TMEM17: variants seen among roughly 807,000 people sequenced by gnomAD.
TMEM17 encodes the protein transmembrane protein 17.
In TMEM17, 15 loss-of-function variants were observed where a neutral mutation model predicts 19.1. That is an observed-to-expected ratio of 0.78 (90% confidence interval 0.52 to 1.21). TMEM17 has a LOEUF of 1.21. TMEM17 is among the 50% of genes most tolerant of loss of function. The pLI is 0.00. For missense variants in TMEM17, 245 were observed against 242.3 expected, an observed-to-expected ratio of 1.01 and a Z score of -0.07; for synonymous variants, 103 against 86.9, an observed-to-expected ratio of 1.19 and a Z score of -1.03.
At chr2:62,468,667 C>T in the TMEM17 span, among the ~76,000 whole-genome samples, 2 of 152,144 alleles carry the variant, frequency 1.3e-5, no homozygotes, top group African/African-American at 4.8e-5. Context: ...AGTAAAGTCC[C>T]AGACTGCAAG....
chr2:62,488,345 T>G, the TMEM17 span, among the ~76,000 whole-genome samples: 1 of 152,182 alleles, frequency 6.6e-6, no homozygotes, highest in African/African-American at 2.4e-5. Context: ...TTTATTAAAA[T>G]GAATGTCATA....
At chr2:62,467,538 G>A in the TMEM17 span, among the ~76,000 whole-genome samples, 1 of 152,196 alleles carries the variant, frequency 6.6e-6, no homozygotes, top group Non-Finnish European at 1.5e-5. Context: ...AGTGGGCTCT[G>A]CCTCAGGTGC....
the TMEM17 span, among the ~76,000 whole-genome samples, chr2:62,489,428 T>C: frequency 3.3e-5 from 5 of 152,236 alleles, no homozygotes; most frequent in Non-Finnish European, 7.3e-5. Context: ...GTGAATTGTT[T>C]TTGTCTTTAG....
chr2:62,466,525 A>C, the TMEM17 span, among the ~76,000 whole-genome samples: 2 of 152,318 alleles, frequency 1.3e-5, no homozygotes, highest in Admixed American at 6.5e-5. Context: ...GAGGAGACAG[A>C]AAATGAGGCT....
chr2:62,456,460 T>G, the TMEM17 span, among the ~76,000 whole-genome samples: 1 of 152,248 alleles, frequency 6.6e-6, no homozygotes, highest in Non-Finnish European at 1.5e-5. Context: ...AGTAAAATCT[T>G]CCTCTGCCTC....
chr2:62,468,454 A>G, the TMEM17 span, among the ~76,000 whole-genome samples: 1 of 152,258 alleles, frequency 6.6e-6, no homozygotes, highest in Non-Finnish European at 1.5e-5. Context: ...TTGGCCCCTT[A>G]AAATATCAGT....
the TMEM17 span, among the ~76,000 whole-genome samples, chr2:62,489,589 A>G: frequency 2.0e-5 from 3 of 152,104 alleles, no homozygotes; most frequent in Non-Finnish European, 4.4e-5. Flanking sequence ...AGGAAGAAAT[A>G]TTTGGTTCAT....
chr2:62,498,004 T>C (rs746965019), downstream of TMEM17, among the ~76,000 whole-genome samples: 1 of 152,246 alleles, frequency 6.6e-6, no homozygotes, highest in South Asian at 2.1e-4. Flanking sequence ...ACTAGGAGCA[T>C]GTCTTGTCTA....
the TMEM17 span, among the ~76,000 whole-genome samples, chr2:62,456,989 G>A: frequency 3.9e-5 from 6 of 152,240 alleles, no homozygotes; most frequent in Non-Finnish European, 7.3e-5. Context: ...CCACCTCCAC[G>A]CGGGGGCCGG....
the TMEM17 span, among the ~76,000 whole-genome samples, chr2:62,494,195 T>C: frequency 6.6e-6 from 1 of 152,360 alleles, no homozygotes; most frequent in East Asian, 1.9e-4. Context: ...CTAATTAAAT[T>C]GTTGACTTTA....
chr2:62,477,421 G>T, the TMEM17 span, among the ~76,000 whole-genome samples: 1 of 151,732 alleles, frequency 6.6e-6, no homozygotes, highest in Non-Finnish European at 1.5e-5. Context: ...AATCTCTCAG[G>T]GTTGTCTATC....
chr2:62,478,455 T>G, the TMEM17 span, among the ~76,000 whole-genome samples: 5 of 152,234 alleles, frequency 3.3e-5, no homozygotes, highest in Admixed American at 3.3e-4. Context: ...AAGCTCTGCA[T>G]GCAGAAAGGC....
At chr2:62,496,909 G>A (rs1040801198), downstream of TMEM17, among the ~76,000 whole-genome samples, 1 of 152,128 alleles carries the variant, frequency 6.6e-6, no homozygotes, top group Non-Finnish European at 1.5e-5. Flanking sequence ...ACCTATGATT[G>A]TGCCACTGCA....
At chr2:62,498,404 AAACAG>A, downstream of TMEM17, among the ~76,000 whole-genome samples, 1 of 148,640 alleles carries the variant, frequency 6.7e-6, no homozygotes, top group East Asian at 2.0e-4. Flanking sequence ...AAGAAAAAAA[AAACAG>A]AAATAAATAA....
the TMEM17 span, among the ~76,000 whole-genome samples, chr2:62,475,843 G>A: frequency 6.6e-6 from 1 of 152,212 alleles, no homozygotes; most frequent in African/African-American, 2.4e-5. Flanking sequence ...CGGCTGTGCA[G>A]ACCAATGCTG....
At chr2:62,477,747 C>G in the TMEM17 span, among the ~76,000 whole-genome samples, 2 of 152,240 alleles carry the variant, frequency 1.3e-5, no homozygotes, top group African/African-American at 4.8e-5. Flanking sequence ...AGGCCCCTTC[C>G]TGACTTGACC....
the TMEM17 span, among the ~76,000 whole-genome samples, chr2:62,494,352 C>A: frequency 0.095 from 14,495 of 152,050 alleles, 779 homozygotes; most frequent in African/African-American, 0.14. Flanking sequence ...TAGGATAGCA[C>A]AAATTTTGAC....
At chr2:62,487,920 C>A in the TMEM17 span, among the ~76,000 whole-genome samples, 1 of 152,300 alleles carries the variant, frequency 6.6e-6, no homozygotes, top group East Asian at 1.9e-4. Flanking sequence ...GTCTCGAACT[C>A]CTGACCTGAG....
chr2:62,498,221 C>T (rs1415119460), downstream of TMEM17, among the ~76,000 whole-genome samples: 1 of 150,736 alleles, frequency 6.6e-6, no homozygotes, highest in Non-Finnish European at 1.5e-5. Context: ...CCTGCCTCTA[C>T]TAAAAATACA....
Sources: allele counts gnomAD v4.1 joint callset (sites outside exome capture counted in the v4.1 genomes callset), GRCh38; gene constraint gnomAD v4.1.1; transcripts MANE v1.5; gene names NCBI Gene and HGNC (gene_info 2026-07-23, HGNC 2026-07-21).